TMEM232: variants seen among roughly 807,000 people sequenced by gnomAD.
TMEM232 encodes transmembrane protein 232.
In TMEM232, 80 loss-of-function variants were observed where a neutral mutation model predicts 78.8. That is an observed-to-expected ratio of 1.01 (90% confidence interval 0.85 to 1.22). The LOEUF is 1.22. TMEM232 is among the 50% of genes most tolerant of loss of function. TMEM232 has a pLI of 0.00. For synonymous variants in TMEM232, 297 were observed against 254.3 expected (o/e 1.17, Z -1.60); for missense variants, 881 against 742.2 (o/e 1.19, Z -2.17).
chr5:110,440,608 TGAA>T (rs1375987960), intron 12 of TMEM232, among the ~76,000 whole-genome samples: 1 of 152,164 alleles, frequency 6.6e-6, no homozygotes, highest in African/African-American at 2.4e-5. Context: ...CTACTCAATT[TGAA>T]GAAGAGAATA....
chr5:110,738,797 C>T (rs1799492805), upstream of TMEM232: 1 of 466,510 alleles, frequency 2.1e-6, no homozygotes, highest in African/African-American at 2.1e-5. Flanking sequence ...GGCCCTATTC[C>T]TACACCAGTT....
At chr5:110,697,440 T>G (rs1794929125) in intron 1 of TMEM232, among the ~76,000 whole-genome samples, 1 of 151,976 alleles carries the variant, frequency 6.6e-6, no homozygotes, top group African/African-American at 2.4e-5. Context: ...AAGCCAAAAT[T>G]GACAAATGGG....
intron 12 of TMEM232, among the ~76,000 whole-genome samples, chr5:110,500,643 T>C (rs1580955036): frequency 6.6e-6 from 1 of 152,040 alleles, no homozygotes; most frequent in Admixed American, 6.6e-5. Flanking sequence ...AAACAAAGTA[T>C]ATCCAAACTA....
chr5:110,713,815 A>G (rs1465983458), intron 1 of TMEM232, among the ~76,000 whole-genome samples: 1 of 152,170 alleles, frequency 6.6e-6, no homozygotes, highest in Non-Finnish European at 1.5e-5. Context: ...TGGGTGGCAG[A>G]GAGTTAGAAA....
At chr5:110,606,798 G>C (rs1388942584) in intron 8 of TMEM232, among the ~76,000 whole-genome samples, 1 of 151,780 alleles carries the variant, frequency 6.6e-6, no homozygotes, top group East Asian at 1.9e-4. Context: ...ATGAATGAAA[G>C]ACTAGTTTTT....
chr5:110,412,076 T>A (rs1756018526), intron 2 of TMEM232, among the ~76,000 whole-genome samples: 1 of 152,132 alleles, frequency 6.6e-6, no homozygotes, highest in South Asian at 2.1e-4. Flanking sequence ...AGAGATTTGA[T>A]CTCAGAGACA....
chr5:110,495,112 AT>A (rs1420805704), intron 12 of TMEM232, among the ~76,000 whole-genome samples: 1 of 150,958 alleles, frequency 6.6e-6, no homozygotes, highest in Non-Finnish European at 1.5e-5. Context: ...TGTTGCACAT[AT>A]TTTTATATAT....
At chr5:110,629,161 A>G (rs1353110177) in intron 5 of TMEM232, among the ~76,000 whole-genome samples, 1 of 152,110 alleles carries the variant, frequency 6.6e-6, no homozygotes, top group Admixed American at 6.6e-5. Context: ...AACTACTCTC[A>G]TAGATATAGA....
At chr5:110,600,266 A>G (rs952351551) in intron 10 of TMEM232, among the ~76,000 whole-genome samples, 1 of 152,194 alleles carries the variant, frequency 6.6e-6, no homozygotes, top group Non-Finnish European at 1.5e-5. Context: ...GAGAAGCAAG[A>G]ATAAATAAAT....
chr5:110,605,288 G>GCA lies in TMEM232; in HGVS notation c.1095_1096dup (p.Ala366ValfsTer18), dbSNP rs1177333012. ...AGTGGCTGCATACAAGCAGATTTCT[G>GCA]CAAGAATTACTGTATATATGTAGAC... On this transcript the variant is annotated frameshift_variant, in exon 10 of 14. Transcript: ENST00000455884. LOFTEE classifies it high-confidence loss of function. 1 of 1,551,238 alleles carries GCA rather than the reference G, an allele frequency of 6.4e-7. No homozygotes were observed. Among genetic ancestry groups the GCA allele is most frequent in the East Asian group, 2.4e-5 (1 of 40,818 alleles).
chr5:110,673,317 G>A (rs553706595), intron 1 of TMEM232, among the ~76,000 whole-genome samples: 1 of 151,438 alleles, frequency 6.6e-6, no homozygotes, highest in Non-Finnish European at 1.5e-5. Flanking sequence ...GTGGCGGGAG[G>A]GGGGAGGGAT....
At chr5:110,526,573 A>G (rs1368071235) in intron 12 of TMEM232, among the ~76,000 whole-genome samples, 1 of 152,006 alleles carries the variant, frequency 6.6e-6, no homozygotes. Flanking sequence ...TGGGAAGACT[A>G]AAGAAAAACA....
chr5:110,486,106 C>A (rs574890581), intron 12 of TMEM232, among the ~76,000 whole-genome samples: 1 of 151,540 alleles, frequency 6.6e-6, no homozygotes, highest in Admixed American at 6.6e-5. Flanking sequence ...ATTTGTTGGC[C>A]ATTTGTATAT....
chr5:110,659,475 G>A (rs976722729), intron 2 of TMEM232, among the ~76,000 whole-genome samples: 29 of 152,102 alleles, frequency 1.9e-4, no homozygotes, highest in African/African-American at 6.5e-4. Flanking sequence ...TGGGAGAGAA[G>A]CTAATGCAAA....
intron 12 of TMEM232, among the ~76,000 whole-genome samples, chr5:110,425,824 C>T (rs907684477): frequency 6.6e-6 from 1 of 152,072 alleles, no homozygotes; most frequent in Non-Finnish European, 1.5e-5. Context: ...TGTCTCTATA[C>T]AGTAGCCAGA....
At chr5:110,609,870 G>A (rs1166974952) in intron 8 of TMEM232, among the ~76,000 whole-genome samples, 4 of 152,064 alleles carry the variant, frequency 2.6e-5, no homozygotes, top group African/African-American at 4.8e-5. Context: ...ATAGATTACA[G>A]CAAAGGCTAA....
intron 12 of TMEM232, among the ~76,000 whole-genome samples, chr5:110,439,578 C>T (rs995474970): frequency 6.6e-6 from 1 of 151,976 alleles, no homozygotes; most frequent in African/African-American, 2.4e-5. Context: ...CTAGCTTCTA[C>T]AGTTTCAGTC....
chr5:110,532,551 C>T (rs1366538487), intron 11 of TMEM232, among the ~76,000 whole-genome samples: 1 of 151,954 alleles, frequency 6.6e-6, no homozygotes, highest in Non-Finnish European at 1.5e-5. Flanking sequence ...TTACACAATA[C>T]TCTTTTAAGC....
intron 1 of TMEM232, among the ~76,000 whole-genome samples, chr5:110,705,735 C>CACAT (rs1554082728): frequency 1.7e-4 from 24 of 143,108 alleles, no homozygotes; most frequent in South Asian, 4.3e-4. Flanking sequence ...CACACACACA[C>CACAT]ATATGTGTGT....
Sources: gnomAD v4.1 joint callset for allele counts (sites outside exome capture counted in the v4.1 genomes callset) on GRCh38, gnomAD v4.1.1 for gene constraint, MANE v1.5 for transcripts, NCBI Gene and HGNC (gene_info 2026-07-23, HGNC 2026-07-21) for gene names.